GNB1: variants seen among roughly 807,000 people sequenced by gnomAD.
The protein encoded by GNB1 is guanine nucleotide-binding protein G(I)/G(S)/G(T) subunit beta-1.
GNB1 carries 2 observed loss-of-function variants against 42.9 expected under a neutral mutation model. The observed-to-expected ratio is 0.05, with a 90% CI of 0.02 to 0.15. The LOEUF is 0.15. Among genes scored for constraint, GNB1 ranks in the 10% least tolerant of loss-of-function variants. The probability of loss-of-function intolerance (pLI) is 1.00; values close to 1 mark genes in which losing one functional copy is unlikely to be tolerated. For synonymous variants in GNB1, 183 were observed against 174.7 expected (o/e 1.05, Z -0.38); for missense variants, 193 against 462.2 (o/e 0.42, Z 5.34).
At position 1,823,820 on chromosome 1, in the gene GNB1, A is replaced by G. The variant is rs79217730; in HGVS notation, c.57+1577T>C. Among the ~76,000 whole-genome samples, 1,272 of 152,232 alleles carry G rather than the reference A, an allele frequency of 8.4e-3. 21 individuals are homozygous for G. The highest frequency in any genetic ancestry group is 0.029 in the African/African-American group (1,221 of 41,512). ...TTGGCCGTTTAAAAGGAAATACTTG[A>G]CTTCATCCTTGCACTGGAGTCAGAA... On this transcript the variant is annotated intron_variant, in intron 3 of 11. Transcript: ENST00000378609.
At chr1:1,808,538 G>A (rs747806871) in intron 5 of GNB1, among the ~76,000 whole-genome samples, 2 of 152,210 alleles carry the variant, frequency 1.3e-5, no homozygotes, top group South Asian at 4.1e-4. Context: ...GAGCAAGAAG[G>A]TTCCACTGTT....
At chr1:1,825,840 G>A (rs889866121) in intron 2 of GNB1, among the ~76,000 whole-genome samples, 14 of 151,428 alleles carry the variant, frequency 9.2e-5, no homozygotes, top group Admixed American at 2.6e-4. Flanking sequence ...ACTCCAGCCC[G>A]GGCTTCACAG....
chr1:1,874,331 G>A (rs1264237965), intron 1 of GNB1, among the ~76,000 whole-genome samples: 5 of 152,134 alleles, frequency 3.3e-5, no homozygotes, highest in Non-Finnish European at 4.4e-5. Context: ...TAGGCCGGGC[G>A]TGGTGGCTCA....
At chr1:1,789,626 C>T (rs1393733040) in intron 9 of GNB1, among the ~76,000 whole-genome samples, 2 of 140,062 alleles carry the variant, frequency 1.4e-5, no homozygotes, top group Non-Finnish European at 3.0e-5. Context: ...CGGGAGGCGG[C>T]GGAGGCTGCG....
At chr1:1,814,399 A>T (rs1011280258) in intron 5 of GNB1, among the ~76,000 whole-genome samples, 1 of 152,196 alleles carries the variant, frequency 6.6e-6, no homozygotes, top group African/African-American at 2.4e-5. Context: ...TAAATTATTT[A>T]GATAGAACAG....
At chr1:1,826,623 T>C (rs1287335517) in intron 2 of GNB1, among the ~76,000 whole-genome samples, 2 of 152,028 alleles carry the variant, frequency 1.3e-5, no homozygotes, top group Non-Finnish European at 2.9e-5. Context: ...TCCAGCAGTT[T>C]TTTGGCTCAG....
intron 2 of GNB1, among the ~76,000 whole-genome samples, chr1:1,832,860 C>T (rs1210482467): frequency 1.3e-5 from 2 of 152,200 alleles, no homozygotes; most frequent in African/African-American, 4.8e-5. Flanking sequence ...TTGTTTTTTA[C>T]TCTAATCTGC....
At chr1:1,804,275 G>C (rs1570640138) in intron 7 of GNB1, 144 bp downstream of exon 7, 2 of 583,394 alleles carry the variant, frequency 3.4e-6, no homozygotes, top group South Asian at 2.1e-5. Flanking sequence ...CTCCAGCCTG[G>C]GTGACAGAGC....
intron 5 of GNB1, among the ~76,000 whole-genome samples, chr1:1,812,317 G>A (rs1646791876): frequency 6.6e-6 from 1 of 150,582 alleles, no homozygotes; most frequent in African/African-American, 2.4e-5. Flanking sequence ...TGCACATTGT[G>A]CACATGTACC....
chr1:1,814,104 T>C (rs1391521590), intron 5 of GNB1, among the ~76,000 whole-genome samples: 1 of 152,186 alleles, frequency 6.6e-6, no homozygotes, highest in Non-Finnish European at 1.5e-5. Context: ...CCCACTTTTA[T>C]TCTTTCTGAC....
intron 3 of GNB1, 129 bp from the exon 4 acceptor site, chr1:1,818,004 CAG>C (rs1423578988): frequency 1.6e-5 from 11 of 701,962 alleles, no homozygotes; most frequent in Admixed American, 1.0e-4. Context: ...GAAAGAACGG[CAG>C]AGTCTCCTTG....
At chr1:1,847,736 C>A (rs945244041) in intron 1 of GNB1, among the ~76,000 whole-genome samples, 1 of 151,636 alleles carries the variant, frequency 6.6e-6, no homozygotes, top group African/African-American at 2.4e-5. Flanking sequence ...ACAGGATTTA[C>A]GAGAGCCAGA....
intron 1 of GNB1, among the ~76,000 whole-genome samples, chr1:1,853,573 C>T (rs1648103856): frequency 6.6e-6 from 1 of 152,110 alleles, no homozygotes; most frequent in Admixed American, 6.6e-5. Flanking sequence ...AGACATGCTT[C>T]CAAAACTTAG....
At chr1:1,814,941 T>A (rs1272101282) in intron 5 of GNB1, among the ~76,000 whole-genome samples, 1 of 150,390 alleles carries the variant, frequency 6.6e-6, no homozygotes, top group Non-Finnish European at 1.5e-5. Context: ...TGAAACCCCA[T>A]CTCTACTAAA....
At chr1:1,817,582 T>C in intron 4 of GNB1, 1 of 326,932 alleles carries the variant, frequency 3.1e-6, no homozygotes, top group Non-Finnish European at 5.7e-6. Flanking sequence ...CTTAAGACAA[T>C]AACAATATTT....
chr1:1,848,213 A>C (rs950382132), intron 1 of GNB1, among the ~76,000 whole-genome samples: 1 of 151,786 alleles, frequency 6.6e-6, no homozygotes, highest in Non-Finnish European at 1.5e-5. Context: ...CTCTGTCTCT[A>C]CTAAAAATAA....
At chr1:1,812,287 G>A (rs1304368573) in intron 5 of GNB1, among the ~76,000 whole-genome samples, 1 of 151,036 alleles carries the variant, frequency 6.6e-6, no homozygotes. Context: ...CATGGCACAT[G>A]TATTCCTATG....
intron 1 of GNB1, among the ~76,000 whole-genome samples, chr1:1,864,783 C>T (rs1458422601): frequency 2.0e-5 from 3 of 152,162 alleles, no homozygotes; most frequent in Non-Finnish European, 2.9e-5. Flanking sequence ...CTCCCAACAC[C>T]TTTTACTCAC....
At chr1:1,879,231 T>G (rs1457316597) in intron 1 of GNB1, among the ~76,000 whole-genome samples, 1 of 152,180 alleles carries the variant, frequency 6.6e-6, no homozygotes, top group African/African-American at 2.4e-5. Context: ...GCTGCTCAGA[T>G]ATTTCGGCTC....
Sources: allele counts gnomAD v4.1 joint callset (sites outside exome capture counted in the v4.1 genomes callset), GRCh38; gene constraint gnomAD v4.1.1; transcripts MANE v1.5; gene names NCBI Gene and HGNC (gene_info 2026-07-23, HGNC 2026-07-21).